CHLSN: variants seen among roughly 807,000 people sequenced by gnomAD.
The protein encoded by CHLSN is protein cholesin.
the CHLSN span, among the ~76,000 whole-genome samples, chr7:1,120,783 CTATTT>C: frequency 1.4e-5 from 2 of 145,916 alleles, no homozygotes. Flanking sequence ...GCACCATGGA[CTATTT>C]TACTCAGCCC....
chr7:1,053,316 AG>A, the CHLSN span, among the ~76,000 whole-genome samples: 15 of 152,216 alleles, frequency 9.9e-5, no homozygotes, highest in African/African-American at 2.9e-4. Flanking sequence ...ACGGCGGGGG[AG>A]GGGCGTCCAC....
chr7:1,031,323 T>C, the CHLSN span, among the ~76,000 whole-genome samples: 1 of 151,466 alleles, frequency 6.6e-6, no homozygotes, highest in Non-Finnish European at 1.5e-5. Context: ...AGGAAGGAAA[T>C]CAGCGAAACA....
At chr7:1,102,426 C>T in the CHLSN span, among the ~76,000 whole-genome samples, 12 of 152,332 alleles carry the variant, frequency 7.9e-5, no homozygotes, top group East Asian at 1.7e-3. Context: ...CAAGTTCTTC[C>T]GCTCATCCAC....
chr7:998,115 G>A, the CHLSN span, among the ~76,000 whole-genome samples: 2 of 152,192 alleles, frequency 1.3e-5, no homozygotes, highest in East Asian at 3.8e-4. Flanking sequence ...AGGGGTAGGC[G>A]GTGATGAAAG....
chr7:978,120 G>A, the CHLSN span, among the ~76,000 whole-genome samples: 1 of 152,314 alleles, frequency 6.6e-6, no homozygotes, highest in South Asian at 2.1e-4. Context: ...GGTGACAACC[G>A]GCTTTTAATT....
At chr7:1,008,557 G>A in the CHLSN span, among the ~76,000 whole-genome samples, 4 of 152,228 alleles carry the variant, frequency 2.6e-5, no homozygotes, top group Middle Eastern at 3.4e-3. Context: ...GGTTCCAGCC[G>A]GATCCACCCA....
At chr7:1,052,359 C>A in the CHLSN span, among the ~76,000 whole-genome samples, 1 of 152,154 alleles carries the variant, frequency 6.6e-6, no homozygotes, top group African/African-American at 2.4e-5. This position sits in a 1 kb window ranked among gnomAD's most constrained non-coding sequence, Gnocchi z 4.2. Context: ...CTTGGGGCTG[C>A]TTGTGCTGGC....
chr7:987,161 G>T, the CHLSN span: 1 of 1,576,514 alleles, frequency 6.3e-7, no homozygotes. Context: ...CTGCACCCTG[G>T]ACATGGTCAT....
chr7:1,015,649 C>A, the CHLSN span, among the ~76,000 whole-genome samples: 1 of 152,188 alleles, frequency 6.6e-6, no homozygotes, highest in Non-Finnish European at 1.5e-5. Context: ...GCAGGGAGGA[C>A]CCAGGACTAA....
the CHLSN span, among the ~76,000 whole-genome samples, chr7:991,267 C>T: frequency 7.9e-5 from 12 of 152,150 alleles, no homozygotes; most frequent in African/African-American, 2.7e-4. Flanking sequence ...CCAACCCTGA[C>T]CCCGCTCGCC....
chr7:1,059,653 AG>A, the CHLSN span, among the ~76,000 whole-genome samples: 4,883 of 27,978 alleles, frequency 0.17, 204 homozygotes, highest in Non-Finnish European at 0.22. Flanking sequence ...GGCAGGTCTT[AG>A]GGGGGCGGGT....
At chr7:1,009,955 G>A in the CHLSN span, 1 of 1,554,908 alleles carries the variant, frequency 6.4e-7, no homozygotes, top group Non-Finnish European at 8.7e-7. Context: ...CTCACCTGCA[G>A]AGGTAGTCCA....
chr7:996,848 A>G, the CHLSN span: 1 of 152,288 alleles, frequency 6.6e-6, no homozygotes, highest in African/African-American at 2.4e-5. Context: ...GCGATCAGCC[A>G]GCACCCACTG....
At chr7:1,097,633 A>AG in the CHLSN span, among the ~76,000 whole-genome samples, 2 of 152,154 alleles carry the variant, frequency 1.3e-5, no homozygotes, top group African/African-American at 4.8e-5. The surrounding 1 kb of genome is among the most constrained non-coding windows in gnomAD (Gnocchi z 4.3). Flanking sequence ...GGCGAATCTC[A>AG]GGGGGCAGTG....
At chr7:1,125,161 T>A in the CHLSN span, among the ~76,000 whole-genome samples, 1 of 152,098 alleles carries the variant, frequency 6.6e-6, no homozygotes, top group Admixed American at 6.5e-5. Context: ...TTGGACAGGA[T>A]CCCAGAGTGA....
At chr7:1,018,398 G>C in the CHLSN span, among the ~76,000 whole-genome samples, 1 of 152,204 alleles carries the variant, frequency 6.6e-6, no homozygotes, top group Non-Finnish European at 1.5e-5. Flanking sequence ...GCCTGGCTCC[G>C]GCCATCAGCC....
chr7:1,082,241 A>T, the CHLSN span: 1 of 152,268 alleles, frequency 6.6e-6, no homozygotes, highest in Admixed American at 6.5e-5. Context: ...GGAACCACTC[A>T]TCACTGTCGG....
At chr7:1,102,458 G>A in the CHLSN span, among the ~76,000 whole-genome samples, 2 of 152,258 alleles carry the variant, frequency 1.3e-5, no homozygotes, top group Non-Finnish European at 2.9e-5. Flanking sequence ...TCACAGCTCC[G>A]GCCACGCTGG....
At chr7:1,018,071 C>T in the CHLSN span, among the ~76,000 whole-genome samples, 1 of 152,184 alleles carries the variant, frequency 6.6e-6, no homozygotes, top group Non-Finnish European at 1.5e-5. Context: ...CAGAAATCCC[C>T]ACTCACACGA....
Sources: allele counts gnomAD v4.1 joint callset (sites outside exome capture counted in the v4.1 genomes callset), GRCh38; gene constraint gnomAD v4.1.1; non-coding constraint Gnocchi (gnomAD v3.1); transcripts MANE v1.5; gene names NCBI Gene and HGNC (gene_info 2026-07-23, HGNC 2026-07-21).